PDS5A: variants seen among roughly 807,000 people sequenced by gnomAD.
The protein encoded by PDS5A is sister chromatid cohesion protein PDS5 homolog A.
PDS5A carries 42 observed loss-of-function variants against 167.1 expected under a neutral mutation model. That is an observed-to-expected ratio of 0.25 (90% CI 0.20 to 0.33). The LOEUF (loss-of-function observed/expected upper bound fraction) is 0.33. Ranked by LOEUF, PDS5A falls within the 10% of genes least tolerant of loss-of-function variation. The probability of loss-of-function intolerance (pLI) is 1.00; values close to 1 mark genes in which losing one functional copy is unlikely to be tolerated. For synonymous variants in PDS5A, 553 were observed against 554.6 expected, an observed-to-expected ratio of 1.00 and a Z score of 0.04; for missense variants, 1,033 against 1,605.9, an observed-to-expected ratio of 0.64 and a Z score of 6.10.
At chr4:39,967,686 A>C (rs1286537770) in intron 2 of PDS5A, among the ~76,000 whole-genome samples, 1 of 151,854 alleles carries the variant, frequency 6.6e-6, no homozygotes, top group East Asian at 1.9e-4. Flanking sequence ...AAGGCCAGGC[A>C]CAGTGGCTCT....
intron 14 of PDS5A, among the ~76,000 whole-genome samples, chr4:39,899,346 T>G (rs887458628): frequency 1.3e-5 from 2 of 152,218 alleles, no homozygotes; most frequent in Non-Finnish European, 2.9e-5. Context: ...TAGTTTTCAT[T>G]TATACTAAAT....
At chr4:39,844,400 G>A (rs1717377305) in intron 30 of PDS5A, among the ~76,000 whole-genome samples, 1 of 150,890 alleles carries the variant, frequency 6.6e-6, no homozygotes, top group Non-Finnish European at 1.5e-5. Context: ...GCTTGAACCC[G>A]GGAGGCAGAG....
intron 19 of PDS5A, among the ~76,000 whole-genome samples, chr4:39,875,920 GTTT>G (rs972078205): frequency 6.6e-6 from 1 of 151,850 alleles, no homozygotes; most frequent in East Asian, 1.9e-4. Context: ...CTTTCTTCTT[GTTT>G]TTTCTAGAGC....
chr4:39,908,609 G>T, intron 10 of PDS5A, 69 bp from the exon 11 acceptor site: 2 of 938,846 alleles, frequency 2.1e-6, no homozygotes, highest in South Asian at 2.8e-5. Flanking sequence ...AGAATGGCAA[G>T]AACAGAAATA....
At chr4:39,910,426 G>A (rs1319138193) in intron 9 of PDS5A, 88 bp from the exon 10 acceptor site, 8 of 670,856 alleles carry the variant, frequency 1.2e-5, no homozygotes, top group Middle Eastern at 3.8e-4. Context: ...ATACTTATAC[G>A]CAACAATAGT....
chr4:39,955,854 C>T (rs1175790852), intron 2 of PDS5A, among the ~76,000 whole-genome samples: 1 of 152,048 alleles, frequency 6.6e-6, no homozygotes, highest in Non-Finnish European at 1.5e-5. Context: ...GTGGTTCACA[C>T]CTGTAATCAC....
At chr4:39,858,508 A>T (rs1048950230) in intron 26 of PDS5A, among the ~76,000 whole-genome samples, 1 of 152,254 alleles carries the variant, frequency 6.6e-6, no homozygotes, top group African/African-American at 2.4e-5. Flanking sequence ...GGATATTCAC[A>T]AACAAAAGAA....
intron 31 of PDS5A, among the ~76,000 whole-genome samples, chr4:39,839,696 T>C (rs960447777): frequency 7.7e-6 from 1 of 130,184 alleles, no homozygotes; most frequent in Admixed American, 8.5e-5. Context: ...AAATATTTGA[T>C]GACTACAATA....
At chr4:39,875,877 C>T (rs1159968177) in intron 19 of PDS5A, among the ~76,000 whole-genome samples, 1 of 151,670 alleles carries the variant, frequency 6.6e-6, no homozygotes, top group Non-Finnish European at 1.5e-5. Context: ...TTATTATTAG[C>T]CAAATAAAAT....
At chr4:39,975,356 T>G (rs1442278911) in intron 2 of PDS5A, among the ~76,000 whole-genome samples, 1 of 152,298 alleles carries the variant, frequency 6.6e-6, no homozygotes, top group Non-Finnish European at 1.5e-5. Context: ...TTAAATACTG[T>G]ACTCATTAAA....
At chr4:39,921,583 T>TAAAAAAAAAAAAAA in intron 6 of PDS5A, among the ~76,000 whole-genome samples, 1 of 86,864 alleles carries the variant, frequency 1.2e-5, no homozygotes, top group Non-Finnish European at 2.2e-5. Context: ...AAAGAAAACT[T>TAAAAAAAAAAAAAA]AAAAAAAAAA....
intron 16 of PDS5A, among the ~76,000 whole-genome samples, chr4:39,896,026 G>GTTTT (rs34412885): frequency 7.5e-6 from 1 of 132,992 alleles, no homozygotes; most frequent in Admixed American, 7.4e-5. Context: ...ACCTGGCCCG[G>GTTTT]TTTTTTTTTT....
intron 16 of PDS5A, among the ~76,000 whole-genome samples, chr4:39,893,334 A>C (rs1354387544): frequency 1.3e-5 from 2 of 152,180 alleles, no homozygotes; most frequent in Non-Finnish European, 2.9e-5. Flanking sequence ...CCCACCCCAC[A>C]CACAAATACA....
chr4:39,886,726 A>AT (rs1011123867), intron 17 of PDS5A, among the ~76,000 whole-genome samples: 31 of 151,184 alleles, frequency 2.1e-4, no homozygotes, highest in Non-Finnish European at 3.1e-4. Context: ...AAAAAAAAAA[A>AT]TTTTTTTTTA....
rs765639652 is a variant in PDS5A at position 39,849,523 on chromosome 4, A to G, written c.3216T>C (p.Asn1072=). 20 of 1,607,172 alleles carry G rather than the reference A, an allele frequency of 1.2e-5. No individual in the cohort carries two copies. Among genetic ancestry groups the G allele is most frequent in the Non-Finnish European group, 1.7e-5 (20 of 1,176,396 alleles). Residue 1072 remains asparagine, a synonymous_variant, in exon 27 of 33, where the codon AAT becomes AAC. Coordinates refer to ENST00000303538, the MANE Select transcript of PDS5A (RefSeq NM_001100399.2). ...ACTGGCCTAACACTCATCTTACTTC[A>G]TTTGTCTTGGATTCATCTGGAGACT... ...DAQSPDESKT[N]EKLYTVCDVA... is the part of the protein sequence containing the mutation.
chr4:39,828,653 G>A (rs1198716516), intron 32 of PDS5A, among the ~76,000 whole-genome samples: 1 of 152,148 alleles, frequency 6.6e-6, no homozygotes, highest in Non-Finnish European at 1.5e-5. Context: ...ACTAATTAAT[G>A]ATAATAAAAT....
At chr4:39,881,176 T>C (rs899665894) in intron 17 of PDS5A, among the ~76,000 whole-genome samples, 4 of 152,202 alleles carry the variant, frequency 2.6e-5, no homozygotes, top group Admixed American at 6.5e-5. Context: ...CATTTATTTA[T>C]GTACCATATT....
intron 17 of PDS5A, among the ~76,000 whole-genome samples, chr4:39,884,171 C>T (rs372428062): frequency 4.6e-5 from 7 of 152,262 alleles, no homozygotes; most frequent in African/African-American, 1.2e-4. Flanking sequence ...TCGTGATCTG[C>T]CCGCCTCGGC....
At chr4:39,895,803 C>T (rs886755009) in intron 16 of PDS5A, among the ~76,000 whole-genome samples, 5 of 151,684 alleles carry the variant, frequency 3.3e-5, no homozygotes, top group African/African-American at 9.7e-5. Flanking sequence ...TTACAAGCTC[C>T]GCCTCCCAGG....
Sources: gnomAD v4.1 joint callset for allele counts (sites outside exome capture counted in the v4.1 genomes callset) on GRCh38, gnomAD v4.1.1 for gene constraint, MANE v1.5 for transcripts, NCBI Gene and HGNC (gene_info 2026-07-23, HGNC 2026-07-21) for gene names.